CASK: variants seen among roughly 807,000 people sequenced by gnomAD.
CASK encodes peripheral plasma membrane protein CASK.
CASK carries 4 observed loss-of-function variants against 82.9 expected under a neutral mutation model. The ratio of observed to expected loss-of-function variants is 0.05; its 90% confidence interval spans 0.02 to 0.11. The LOEUF is 0.11. CASK is among the 10% of genes least tolerant of loss of function. CASK has a pLI of 1.00. For missense variants in CASK, 358 were observed against 720.9 expected (o/e 0.50, Z 5.76); for synonymous variants, 259 against 253.5 (o/e 1.02, Z -0.20).
intron 16 of CASK, among the ~76,000 whole-genome samples, chrX:41,567,082 C>T (rs1602273673): frequency 8.9e-6 from 1 of 111,804 alleles, no homozygotes; most frequent in East Asian, 2.8e-4. Context: ...TATACAAAAA[C>T]TAATTCAAGA....
chrX:41,527,994 A>G (rs2147077635), intron 25 of CASK, among the ~76,000 whole-genome samples: 1 of 112,815 alleles, frequency 8.9e-6, no homozygotes, highest in South Asian at 3.6e-4. Flanking sequence ...ACTACTATGG[A>G]TAAGGTGAAC....
chrX:41,732,608 A>G (rs1364345337), intron 5 of CASK, among the ~76,000 whole-genome samples: 1 of 111,927 alleles, frequency 8.9e-6, no homozygotes, highest in East Asian at 2.8e-4. Context: ...GGAATTGATA[A>G]CACTGGGAAG....
chrX:41,651,789 A>G, intron 8 of CASK, among the ~76,000 whole-genome samples: 1 of 112,095 alleles, frequency 8.9e-6, no homozygotes, highest in African/African-American at 3.2e-5. Flanking sequence ...CATTGATTAA[A>G]TCATTAATAT....
chrX:41,646,527 G>A (rs62587041), intron 8 of CASK, among the ~76,000 whole-genome samples: 12,692 of 110,559 alleles, frequency 0.11, 712 homozygotes, highest in Middle Eastern at 0.18. Context: ...GGCCTCGTAT[G>A]ATACTCCCCA....
At chrX:41,874,417 A>C (rs1423380986) in intron 1 of CASK, among the ~76,000 whole-genome samples, 1 of 111,966 alleles carries the variant, frequency 8.9e-6, no homozygotes, top group Non-Finnish European at 1.9e-5. Flanking sequence ...ATGTAAGAAC[A>C]TGCAGTGTTT....
At chrX:41,535,526 A>C (rs754951041) in intron 22 of CASK, among the ~76,000 whole-genome samples, 2 of 109,739 alleles carry the variant, frequency 1.8e-5, no homozygotes, top group Non-Finnish European at 3.8e-5. Context: ...ATTCTAAGGC[A>C]AGTTCTGTAA....
At chrX:41,704,951 A>G (rs143913037) in intron 5 of CASK, among the ~76,000 whole-genome samples, 5 of 111,829 alleles carry the variant, frequency 4.5e-5, no homozygotes, top group Non-Finnish European at 9.4e-5. Context: ...AAGTAGAAAC[A>G]TGCAATATAT....
chrX:41,766,612 C>A (rs747933144), intron 3 of CASK, among the ~76,000 whole-genome samples: 2 of 112,038 alleles, frequency 1.8e-5, no homozygotes, highest in Non-Finnish European at 3.8e-5. Context: ...AATGGCTAGG[C>A]GCACTGGCTC....
At chrX:41,560,853 T>G (rs1184128962) in intron 17 of CASK, among the ~76,000 whole-genome samples, 1 of 108,757 alleles carries the variant, frequency 9.2e-6, no homozygotes, top group Non-Finnish European at 1.9e-5. Flanking sequence ...ATCACGCCAT[T>G]GCACTCCAGC....
chrX:41,734,226 T>C (rs751324025), intron 5 of CASK, among the ~76,000 whole-genome samples: 1 of 111,984 alleles, frequency 8.9e-6, no homozygotes, highest in African/African-American at 3.2e-5. Context: ...AGAGAAACTG[T>C]TTCACTTCAA....
intron 3 of CASK, among the ~76,000 whole-genome samples, chrX:41,775,309 G>T: frequency 9.0e-6 from 1 of 111,642 alleles, no homozygotes; most frequent in Admixed American, 9.5e-5. Context: ...GGCCATCCGA[G>T]AAATGCAAAT....
chrX:41,781,833 G>T (rs767227152), intron 3 of CASK, among the ~76,000 whole-genome samples: 1 of 112,087 alleles, frequency 8.9e-6, no homozygotes, highest in African/African-American at 3.2e-5. Flanking sequence ...TTGTTGAGGT[G>T]AATTTACAAA....
At chrX:41,897,742 C>T (rs1339462752) in intron 1 of CASK, among the ~76,000 whole-genome samples, 1 of 111,094 alleles carries the variant, frequency 9.0e-6, no homozygotes, top group African/African-American at 3.3e-5. Context: ...ATATTTTGAG[C>T]TTCCTGTACA....
chrX:41,553,666 G>T, intron 21 of CASK, 53 bp downstream of exon 21: 2 of 934,468 alleles, frequency 2.1e-6, no homozygotes, highest in Non-Finnish European at 3.0e-6. Context: ...AAAATGGATG[G>T]TCAGGGCTTT....
intron 2 of CASK, among the ~76,000 whole-genome samples, chrX:41,825,881 C>G (rs2070654660): frequency 8.9e-6 from 1 of 112,251 alleles, no homozygotes; most frequent in Non-Finnish European, 1.9e-5. Flanking sequence ...CTTTTGATTA[C>G]AAAAATATTA....
intron 11 of CASK, among the ~76,000 whole-genome samples, chrX:41,616,818 AG>A (rs1190539770): frequency 9.0e-6 from 1 of 111,703 alleles, no homozygotes; most frequent in Non-Finnish European, 1.9e-5. Flanking sequence ...CATGTTGGCC[AG>A]GCTGGTCTTG....
At chrX:41,528,747 G>A (rs184685514) in intron 25 of CASK, among the ~76,000 whole-genome samples, 176 of 112,011 alleles carry the variant, frequency 1.6e-3, no homozygotes, top group Non-Finnish European at 3.0e-3. Flanking sequence ...GGAGAAAAAT[G>A]TCCTAAGGAG....
At chrX:41,890,659 C>T (rs763440035) in intron 1 of CASK, among the ~76,000 whole-genome samples, 2 of 111,429 alleles carry the variant, frequency 1.8e-5, no homozygotes, top group African/African-American at 3.3e-5. Context: ...GGTAGAAGCA[C>T]TCTTAATTGA....
intron 5 of CASK, among the ~76,000 whole-genome samples, chrX:41,684,941 T>C (rs976500480): frequency 2.7e-5 from 3 of 111,947 alleles, no homozygotes; most frequent in African/African-American, 9.7e-5. Context: ...GAATTCCCTA[T>C]TTTTAGGAAA....
Sources: allele counts gnomAD v4.1 joint callset (sites outside exome capture counted in the v4.1 genomes callset), GRCh38; gene constraint gnomAD v4.1.1; transcripts MANE v1.5; gene names NCBI Gene and HGNC (gene_info 2026-07-23, HGNC 2026-07-21).